Variants in SLC26A5 observed in about 807,000 individuals in gnomAD.
SLC26A5 encodes the protein solute carrier family 26 member 5.
A neutral mutation model predicts 81.0 loss-of-function variants in SLC26A5; 51 were observed. The ratio of observed to expected loss-of-function variants is 0.63; its 90% CI spans 0.50 to 0.80. The LOEUF is 0.80. Ranked by LOEUF, SLC26A5 falls within the 30% of genes least tolerant of loss-of-function variation. SLC26A5 has a pLI of 0.00. For synonymous variants in SLC26A5, 325 were observed against 332.8 expected (o/e 0.98, Z 0.25); for missense variants, 771 against 905.8 (o/e 0.85, Z 1.91).
chr7:103,392,892 C>A, intron 10 of SLC26A5, 27 bp downstream of exon 10: 5 of 1,613,772 alleles, frequency 3.1e-6, no homozygotes, highest in Non-Finnish European at 4.2e-6. Context: ...TGCTATGAAA[C>A]ATGTGCAGGA....
rs2116647120 is a variant in SLC26A5 at position 103,410,946 on chromosome 7, C to T, written c.571-397G>A. 2.0e-5 allele frequency among the ~76,000 whole-genome samples: 3 copies of T among 152,216 alleles called. 1 individual carries two copies. In the South Asian group the frequency reaches 6.2e-4, roughly 32 times the overall value. ...GCCCAGCCTCTGGACCATTTTCTAACACTGCAAACTTGTACCTCAAGTGGG... is the reference window on the plus strand; with the variant it reads ...GCCCAGCCTCTGGACCATTTTCTAATACTGCAAACTTGTACCTCAAGTGGG... On this transcript the variant is annotated intron_variant, in intron 6 of 19. Coordinates refer to ENST00000306312, the MANE Select transcript of SLC26A5 (RefSeq NM_198999.3).
At position 103,413,090 on chromosome 7, in the gene SLC26A5, T is replaced by C. The variant is rs1328020196; in HGVS notation, c.315A>G (p.Ala105=). 4 of 1,613,690 alleles carry C rather than the reference T, an allele frequency of 2.5e-6. No homozygotes were observed. Among genetic ancestry groups the C allele is most frequent in the Non-Finnish European group, 3.4e-6 (4 of 1,179,684 alleles). Residue 105 remains alanine (A), a synonymous_variant, in exon 5 of 20, where the codon GCA becomes GCG. Coordinates refer to ENST00000306312, the MANE Select transcript of SLC26A5 (RefSeq NM_198999.3). The part of the protein sequence containing the change: ...LPQGLAFAML[A]AVPPIFGLYS... ...ACAGGCCAAATATTGGAGGCACAGCTGCCAGCATTGCAAAGGCTAAGCCTG... is the reference window on the plus strand; with the variant it reads ...ACAGGCCAAATATTGGAGGCACAGCCGCCAGCATTGCAAAGGCTAAGCCTG...
At chr7:103,422,358 T>C (rs1825413741) in intron 2 of SLC26A5, among the ~76,000 whole-genome samples, 1 of 152,196 alleles carries the variant, frequency 6.6e-6, no homozygotes, top group Non-Finnish European at 1.5e-5. Flanking sequence ...TTCTATGTAG[T>C]AATTAAAAGA....
At chr7:103,362,454 A>G in intron 19 of SLC26A5, 1 of 1,369,290 alleles carries the variant, frequency 7.3e-7, no homozygotes, top group Non-Finnish European at 9.4e-7. Context: ...TTAAAAAAAA[A>G]TCTCCCCTCC....
At chr7:103,365,598 C>T (rs1820674734) in intron 19 of SLC26A5, among the ~76,000 whole-genome samples, 2 of 152,078 alleles carry the variant, frequency 1.3e-5, no homozygotes, top group Admixed American at 6.5e-5. Flanking sequence ...CATTGCACAC[C>T]AGCCTGGGCA....
intron 18 of SLC26A5, among the ~76,000 whole-genome samples, chr7:103,377,306 A>G (rs1048088892): frequency 5.3e-5 from 8 of 152,190 alleles, no homozygotes; most frequent in Non-Finnish European, 8.8e-5. Context: ...ACATTAAAAT[A>G]TTTACAGATG....
intron 2 of SLC26A5, among the ~76,000 whole-genome samples, chr7:103,425,647 C>T (rs565870437): frequency 6.6e-6 from 1 of 151,930 alleles, no homozygotes; most frequent in Admixed American, 6.6e-5. Context: ...ATATATAATA[C>T]AAAATAATAA....
intron 19 of SLC26A5, chr7:103,363,497 G>C: frequency 6.8e-7 from 1 of 1,463,950 alleles, no homozygotes; most frequent in Non-Finnish European, 9.6e-7. Context: ...TTTGTGTATT[G>C]AGCACTAAAA....
intron 8 of SLC26A5, 22 bp from the exon 9 acceptor site, chr7:103,398,036 T>C (rs760531725): frequency 3.1e-6 from 5 of 1,594,562 alleles, no homozygotes; most frequent in South Asian, 1.1e-5. Context: ...CAAATCCAAA[T>C]GCACCTTTAG....
intron 4 of SLC26A5, among the ~76,000 whole-genome samples, chr7:103,415,030 C>A (rs1294814329): frequency 6.6e-6 from 1 of 152,188 alleles, no homozygotes; most frequent in Non-Finnish European, 1.5e-5. Context: ...TGACTGGCAT[C>A]CCTCTTCAGA....
intron 2 of SLC26A5, among the ~76,000 whole-genome samples, chr7:103,439,563 TCA>T (rs35040423): frequency 0.38 from 57,774 of 151,816 alleles, 14,702 homozygotes; most frequent in African/African-American, 0.71. Flanking sequence ...AGACAGAGTC[TCA>T]CTCTGTTGCC....
In SLC26A5 at chr7:103,367,453, G is replaced by C; in HGVS notation, c.2041+9355C>G. The C allele has an allele frequency of 1.2e-6, 2 of 1,614,050 alleles. No homozygotes were observed. The highest frequency in any genetic ancestry group is 1.7e-6 in the Non-Finnish European group (2 of 1,180,008). On this transcript the variant is annotated intron_variant, in intron 19 of 19. Transcript: ENST00000339444. This position sits in a 1 kb window ranked among gnomAD's most constrained non-coding sequence, Gnocchi z 6.1. ...ATGGTGCTGGAGGTGACAATGAAGTGCAGAGAACAATGTTGGAACTGATCA... is the reference window on the plus strand; with the variant it reads ...ATGGTGCTGGAGGTGACAATGAAGTCCAGAGAACAATGTTGGAACTGATCA...
chr7:103,417,917 T>A (rs1825053381), intron 4 of SLC26A5, among the ~76,000 whole-genome samples: 1 of 152,156 alleles, frequency 6.6e-6, no homozygotes, highest in Admixed American at 6.5e-5. Context: ...CCTGGCTTAT[T>A]TTGTATTTTT....
At chr7:103,382,115 T>A (rs1015835769) in intron 14 of SLC26A5, among the ~76,000 whole-genome samples, 1 of 152,110 alleles carries the variant, frequency 6.6e-6, no homozygotes, top group African/African-American at 2.4e-5. Flanking sequence ...GCCAGGGATA[T>A]ATGTAACACA....
At chr7:103,406,132 C>T (rs535076944) in intron 8 of SLC26A5, among the ~76,000 whole-genome samples, 205 of 152,278 alleles carry the variant, frequency 1.3e-3, no homozygotes, top group African/African-American at 4.5e-3. Flanking sequence ...GGGTGGGATC[C>T]GCTGAGCTAG....
At chr7:103,425,634 A>G (rs1825663291) in intron 2 of SLC26A5, among the ~76,000 whole-genome samples, 1 of 152,224 alleles carries the variant, frequency 6.6e-6, no homozygotes. Context: ...CATCATATAT[A>G]GAATATATAA....
At chr7:103,421,763 C>T (rs1825370956) in intron 2 of SLC26A5, among the ~76,000 whole-genome samples, 196 bp from the exon 3 acceptor site, 1 of 151,994 alleles carries the variant, frequency 6.6e-6, no homozygotes, top group Admixed American at 6.6e-5. Context: ...TGACTTATTC[C>T]CTCCCAGAGT....
downstream of SLC26A5, among the ~76,000 whole-genome samples, chr7:103,369,951 AG>A (rs1180465039): frequency 6.6e-6 from 1 of 152,202 alleles, no homozygotes; most frequent in African/African-American, 2.4e-5. Context: ...GCTTTCTCAA[AG>A]GCCAGGTGGA....
chr7:103,442,691 A>G (rs1826967465), intron 2 of SLC26A5, among the ~76,000 whole-genome samples: 1 of 152,204 alleles, frequency 6.6e-6, no homozygotes, highest in Non-Finnish European at 1.5e-5. Context: ...TTAAGGTCCA[A>G]AGAATTTAAC....
Sources: allele counts gnomAD v4.1 joint callset (sites outside exome capture counted in the v4.1 genomes callset), GRCh38; gene constraint gnomAD v4.1.1; non-coding constraint Gnocchi (gnomAD v3.1); transcripts MANE v1.5; gene names NCBI Gene and HGNC (gene_info 2026-07-23, HGNC 2026-07-21).